THEMIS: variants seen among roughly 807,000 people sequenced by gnomAD.
The protein encoded by THEMIS is thymocyte selection associated, also known as protein THEMIS.
A neutral mutation model predicts 52.6 loss-of-function variants in THEMIS; 37 were observed. The observed-to-expected ratio is 0.70, with a 90% CI of 0.54 to 0.93. THEMIS has a LOEUF of 0.93. THEMIS is among the 40% of genes least tolerant of loss of function. The pLI, the probability that THEMIS is intolerant of heterozygous loss-of-function variation, is 0.00. For synonymous variants in THEMIS, 292 were observed against 272.7 expected (o/e 1.07, Z -0.70); for missense variants, 808 against 763.1 (o/e 1.06, Z -0.69).
intron 4 of THEMIS, among the ~76,000 whole-genome samples, chr6:127,812,284 T>C (rs1338649697): frequency 6.6e-6 from 1 of 152,228 alleles, no homozygotes; most frequent in East Asian, 1.9e-4. Flanking sequence ...AATGATTTCA[T>C]ACTGTCTCCA....
At chr6:127,912,843 C>A (rs1349685903) in intron 1 of THEMIS, among the ~76,000 whole-genome samples, 1 of 152,116 alleles carries the variant, frequency 6.6e-6, no homozygotes, top group South Asian at 2.1e-4. Flanking sequence ...TATAATAGTG[C>A]CTGTAGGCCA....
chr6:127,898,805 C>T (rs1186095125), intron 1 of THEMIS, among the ~76,000 whole-genome samples: 1 of 151,794 alleles, frequency 6.6e-6, no homozygotes, highest in African/African-American at 2.4e-5. Flanking sequence ...GAATGAAATC[C>T]TGTCATTTGC....
chr6:127,722,037 C>T (rs1327306269), intron 4 of THEMIS, among the ~76,000 whole-genome samples: 1 of 151,948 alleles, frequency 6.6e-6, no homozygotes, highest in African/African-American at 2.4e-5. Flanking sequence ...GAGAAAATAG[C>T]CCCTTCATCA....
intron 4 of THEMIS, among the ~76,000 whole-genome samples, chr6:127,759,677 C>T (rs879791835): frequency 6.6e-6 from 1 of 152,112 alleles, no homozygotes; most frequent in African/African-American, 2.4e-5. Context: ...TCACATCTAT[C>T]GCTACATCCC....
chr6:127,726,190 G>A lies in THEMIS; in HGVS notation c.1759-6367C>T, dbSNP rs184250377. ...AATCTTTCTTTTGTGCTTATTCCAA[G>A]TACCTCCAGAAAGTCAGACATTTAA... On this transcript the variant is annotated intron_variant, in intron 4 of 5. Coordinates refer to ENST00000368248, the MANE Select transcript of THEMIS (RefSeq NM_001010923.3). Among the ~76,000 whole-genome samples, 866 of 152,232 alleles carry A rather than the reference G, an allele frequency of 5.7e-3. 8 individuals carry two copies. The highest frequency in any genetic ancestry group is 7.8e-3 in the Non-Finnish European group (528 of 68,002).
intron 2 of THEMIS, among the ~76,000 whole-genome samples, chr6:127,851,331 G>A (rs1562299903): frequency 6.6e-6 from 1 of 151,594 alleles, no homozygotes; most frequent in Non-Finnish European, 1.5e-5. Flanking sequence ...AAAGATTCAT[G>A]CCTAGACATG....
At chr6:127,890,739 G>A (rs536587949) in intron 1 of THEMIS, among the ~76,000 whole-genome samples, 14 of 152,036 alleles carry the variant, frequency 9.2e-5, no homozygotes, top group Middle Eastern at 6.8e-3. Context: ...AAACTAGCTA[G>A]TTGTTACAAT....
chr6:127,766,781 G>A (rs1776214233), intron 4 of THEMIS, among the ~76,000 whole-genome samples: 1 of 152,054 alleles, frequency 6.6e-6, no homozygotes, highest in South Asian at 2.1e-4. Flanking sequence ...ATTAAAAATT[G>A]TACATCAATA....
At chr6:127,834,527 T>C (rs1308818927) in intron 2 of THEMIS, among the ~76,000 whole-genome samples, 3 of 151,544 alleles carry the variant, frequency 2.0e-5, no homozygotes, top group Non-Finnish European at 4.4e-5. Context: ...AAGGTTGTAG[T>C]GAGCAAAGAA....
At chr6:127,867,419 T>C (rs1270365137) in intron 1 of THEMIS, among the ~76,000 whole-genome samples, 1 of 152,142 alleles carries the variant, frequency 6.6e-6, no homozygotes, top group Non-Finnish European at 1.5e-5. Flanking sequence ...CTAGGACTTT[T>C]TATGTTGCTT....
intron 4 of THEMIS, among the ~76,000 whole-genome samples, chr6:127,793,536 C>T (rs911096739): frequency 6.6e-6 from 1 of 152,124 alleles, no homozygotes; most frequent in Non-Finnish European, 1.5e-5. Flanking sequence ...GCATTACAGA[C>T]AAGGACTTCT....
Position 127,896,787 on chromosome 6 carries a change from C to A in THEMIS, c.91+4055G>T, listed in dbSNP as rs1287040504. 2.0e-5 allele frequency among the ~76,000 whole-genome samples: 3 copies of A among 151,466 alleles called. No homozygotes were observed. The East Asian group carries it at 5.8e-4, about 29-fold the overall frequency. On this transcript the variant is annotated intron_variant, in intron 1 of 5. Transcript: ENST00000368248. ...TACCTTTTACATAATTAAATCTTTA[C>A]CTCTTGAGGAGAAACCTAGGCATTT...
At chr6:127,893,064 A>G (rs1035916056) in intron 1 of THEMIS, among the ~76,000 whole-genome samples, 3 of 151,886 alleles carry the variant, frequency 2.0e-5, no homozygotes, top group Non-Finnish European at 2.9e-5. Context: ...TTTCTTCCAC[A>G]TTTATGTAGT....
intron 4 of THEMIS, among the ~76,000 whole-genome samples, 194 bp downstream of exon 4, chr6:127,812,689 G>T (rs1026129041): frequency 6.6e-6 from 1 of 152,124 alleles, no homozygotes; most frequent in Admixed American, 6.5e-5. Flanking sequence ...TAAACTTCAT[G>T]CCACATCAAA....
Position 127,776,605 on chromosome 6 carries a change from C to T in THEMIS, c.1758+36278G>A, listed in dbSNP as rs571322119. On this transcript the variant is annotated intron_variant, in intron 4 of 5. Transcript: ENST00000368248. ...TGACTGAGGTAGCATCATAAAAGAC[C>T]CATAGCTAGAACCACCGAGTTAAGC... Among the ~76,000 whole-genome samples, 7 of 152,168 alleles carry T rather than the reference C, an allele frequency of 4.6e-5. No individual in the cohort carries two copies. The South Asian group carries it at 1.5e-3, about 32-fold the overall frequency.
intron 1 of THEMIS, among the ~76,000 whole-genome samples, chr6:127,883,512 TTATA>T (rs1780551200): frequency 1.3e-5 from 2 of 151,944 alleles, no homozygotes; most frequent in Admixed American, 1.3e-4. Context: ...ATATGTTGCA[TTATA>T]TAGATTCACA....
chr6:127,840,674 G>T (rs1369680877), intron 2 of THEMIS, among the ~76,000 whole-genome samples: 1 of 152,048 alleles, frequency 6.6e-6, no homozygotes, highest in African/African-American at 2.4e-5. Flanking sequence ...AGCCTTATTC[G>T]TAATTGCCAA....
rs1292089474 is a variant in THEMIS, at chr6:127,734,952, CAT to C, written c.1759-15131_1759-15130del. On this transcript the variant is annotated intron_variant, in intron 4 of 5. Coordinates refer to ENST00000368248, the MANE Select transcript of THEMIS (RefSeq NM_001010923.3). ...GTGTGTGTGTGTATGTATATATATACATATATGTGTGTGTGTATATGTGTGTG... is the reference window on the plus strand; with the variant it reads ...GTGTGTGTGTGTATGTATATATATACATATGTGTGTGTGTATATGTGTGTG... Among the ~76,000 whole-genome samples the C allele has an allele frequency of 1.7e-4, 17 of 97,272 alleles. No homozygotes were observed. In the East Asian group the frequency reaches 2.8e-3, roughly 16 times the overall value. 63.8% of individuals were successfully genotyped at this position (97,272 alleles called of 152,430 possible).
At chr6:127,799,639 A>C (rs909611186) in intron 4 of THEMIS, among the ~76,000 whole-genome samples, 1 of 140,568 alleles carries the variant, frequency 7.1e-6, no homozygotes, top group Non-Finnish European at 1.5e-5. Flanking sequence ...TAGTTCTTAT[A>C]TTGTTCACTA....
Sources: gnomAD v4.1 joint callset for allele counts (sites outside exome capture counted in the v4.1 genomes callset) on GRCh38, gnomAD v4.1.1 for gene constraint, MANE v1.5 for transcripts, NCBI Gene and HGNC (gene_info 2026-07-23, HGNC 2026-07-21) for gene names.